TRIM11: variants seen among roughly 807,000 people sequenced by gnomAD.
TRIM11 encodes tripartite motif containing 11, also known as E3 ubiquitin-protein ligase TRIM11.
TRIM11 carries 15 observed loss-of-function variants against 33.4 expected under a neutral mutation model. That is an observed-to-expected ratio of 0.45 (90% confidence interval 0.30 to 0.69). TRIM11 has a LOEUF of 0.69. TRIM11 is among the 30% of genes least tolerant of loss of function. TRIM11 has a pLI of 0.08. For missense variants in TRIM11, 499 were observed against 667.6 expected (o/e 0.75, Z 2.78); for synonymous variants, 281 against 302.6 (o/e 0.93, Z 0.74).
chr1:228,396,009 C>T (rs2074983928), intron 5 of TRIM11: 1 of 152,766 alleles, frequency 6.5e-6, no homozygotes, highest in African/African-American at 2.4e-5. Context: ...ATACAAGACT[C>T]AGATTTGGGT....
At chr1:228,405,471 G>C (rs1656374082) in intron 1 of TRIM11, 1 of 152,306 alleles carries the variant, frequency 6.6e-6, no homozygotes, top group Non-Finnish European at 1.5e-5. Flanking sequence ...AGAGGACAGC[G>C]GGAGGGAGCG....
rs151281012 is a variant in TRIM11 at position 228,395,026 on chromosome 1, G to A, written c.1086C>T (p.Asn362=). 2.3e-5 allele frequency: 37 copies of A among 1,613,912 alleles called. No homozygotes were observed. The Middle Eastern group carries it at 6.6e-4, about 29-fold the overall frequency. The change falls in exon 6 of 6, where the codon AAC becomes AAT. Residue 362 remains asparagine, a synonymous_variant. Coordinates refer to ENST00000284551, the MANE Select transcript of TRIM11 (RefSeq NM_145214.3). This position sits in a 1 kb window ranked among gnomAD's most constrained non-coding sequence, Gnocchi z 4.8. ...GCTCGCCCTTCTCCTTCCTGTTCACGTTCTCCCTGCACACCCCCAGGGCCC... is the reference window on the plus strand; with the variant it reads ...GCTCGCCCTTCTCCTTCCTGTTCACATTCTCCCTGCACACCCCCAGGGCCC... The part of the protein sequence containing the change: ...TSWALGVCRE[N]VNRKEKGELS...
chr1:228,406,787 G>T lies in TRIM11; in HGVS notation c.-226C>A, dbSNP rs1022781337. On this transcript the variant is annotated 5_prime_UTR_variant, in exon 1 of 6. Coordinates refer to ENST00000284551, the MANE Select transcript of TRIM11 (RefSeq NM_145214.3). The surrounding 1 kb of genome is among the most constrained non-coding windows in gnomAD (Gnocchi z 8.2). ...GCGCGTAGGCTCCGAGCGCTCGGGG[G>T]ACGCGGGACGTAGGGATCCCGGATG... 10 of 376,398 alleles carry T rather than the reference G, an allele frequency of 2.7e-5. No individual in the cohort carries two copies. The highest frequency in any genetic ancestry group is 1.9e-4 in the Admixed American group (4 of 21,592). The allele number at this position is 376,398 out of a possible 1,614,324, so 23.3% of individuals were successfully genotyped here.
rs1327137772 is a variant in TRIM11, at chr1:228,406,774, C to T, written c.-213G>A. 2 of 334,090 alleles carry T rather than the reference C, an allele frequency of 6.0e-6. No homozygotes were observed. 20.7% of individuals were successfully genotyped at this position (334,090 alleles called of 1,614,324 possible). A position where few individuals can be genotyped will look rare whatever the true frequency, so the allele number is the denominator to read the frequency against. On this transcript the variant is annotated 5_prime_UTR_variant, in exon 1 of 6. Coordinates refer to ENST00000284551, the MANE Select transcript of TRIM11 (RefSeq NM_145214.3). This position sits in a 1 kb window ranked among gnomAD's most constrained non-coding sequence, Gnocchi z 8.2. ...TCGGTAGCGCTGGGCGCGTAGGCTC[C>T]GAGCGCTCGGGGGACGCGGGACGTA...
rs987807069 is a variant in TRIM11, at chr1:228,403,222, G to C, written c.409-1061C>G. 6.6e-6 allele frequency: 1 copy of C among 152,290 alleles called. No homozygotes were observed. The highest frequency in any genetic ancestry group is 1.9e-4 in the East Asian group (1 of 5,188). 9.4% of individuals were successfully genotyped at this position (152,290 alleles called of 1,614,324 possible). A position where few individuals can be genotyped will look rare whatever the true frequency, so the allele number is the denominator to read the frequency against. The stretch of plus-strand genomic sequence containing the variant: ...CCCATCTGACACCCTTATCAGCAAC[G>C]GGCCCTGTGCTGGCCACACCTCTTT... On this transcript the variant is annotated intron_variant, in intron 1 of 5. Transcript: ENST00000284551. This position sits in a 1 kb window ranked among gnomAD's most constrained non-coding sequence, Gnocchi z 4.8.
chr1:228,395,984 C>T lies in TRIM11; in HGVS notation c.860-732G>A, dbSNP rs2074983816. 6.5e-6 allele frequency: 1 copy of T among 152,692 alleles called. No homozygotes were observed. The highest frequency in any genetic ancestry group is 1.5e-5 in the Non-Finnish European group (1 of 68,452). 9.5% of individuals were successfully genotyped at this position (152,692 alleles called of 1,614,324 possible). On this transcript the variant is annotated intron_variant, in intron 5 of 5. Coordinates refer to ENST00000284551, the MANE Select transcript of TRIM11 (RefSeq NM_145214.3). The surrounding 1 kb of genome is among the most constrained non-coding windows in gnomAD (Gnocchi z 4.8). ...TAGCAAGAGCTGAGGATAGTACTTC[C>T]TTTGGGTGACTGTGATACAAGACTC...
Position 228,401,593 on chromosome 1 carries a change from A to G in TRIM11, c.505-399T>C, listed in dbSNP as rs1656228904. Among the ~76,000 whole-genome samples the G allele has an allele frequency of 6.6e-6, 1 of 151,570 alleles. No homozygotes were observed. The highest frequency in any genetic ancestry group is 1.5e-5 in the Non-Finnish European group (1 of 67,868). ...ACCACCTGGGGCCAGCTGGACTACA[A>G]ATCTACCACCCAGGGTCCCTCCTGA... On this transcript the variant is annotated intron_variant, in intron 2 of 5. Coordinates refer to ENST00000284551, the MANE Select transcript of TRIM11 (RefSeq NM_145214.3). The surrounding 1 kb of genome is among the most constrained non-coding windows in gnomAD (Gnocchi z 6.1).
Position 228,401,086 on chromosome 1 carries a change from G to T in TRIM11, c.613C>A (p.Leu205Met). 1 of 1,613,352 alleles carries T rather than the reference G, an allele frequency of 6.2e-7. No individual in the cohort carries two copies. The highest frequency in any genetic ancestry group is 8.5e-7 in the Non-Finnish European group (1 of 1,179,866). Residue 205 changes from leucine to methionine, a missense_variant, in exon 3 of 6, where the codon CTG becomes ATG. Transcript: ENST00000284551. The surrounding 1 kb of genome is among the most constrained non-coding windows in gnomAD (Gnocchi z 6.1). ...TCCCGCAGCCGGGGCAGCACCTCCA[G>T]CTCCTCCTCCTCCAGCCTCTGCAGC... Reference protein sequence around the residue: ...QLLQRLEEEELEVLPRLREGA... With the variant: ...QLLQRLEEEEMEVLPRLREGA...
At position 228,404,050 on chromosome 1, in the gene TRIM11, T is replaced by A. The variant is rs1558448927; in HGVS notation, c.409-1889A>T. On this transcript the variant is annotated intron_variant, in intron 1 of 5. Transcript: ENST00000284551. ...CAACATACCCAGCATGGCAAAGATCTTGCATTTCAGGTACCTGCATCTTTG... is the reference window on the plus strand; with the variant it reads ...CAACATACCCAGCATGGCAAAGATCATGCATTTCAGGTACCTGCATCTTTG... 3 of 152,418 alleles carry A rather than the reference T, an allele frequency of 2.0e-5. No individual in the cohort carries two copies. The East Asian group carries it at 5.8e-4, about 29-fold the overall frequency. 9.4% of individuals were successfully genotyped at this position (152,418 alleles called of 1,614,324 possible).
intron 5 of TRIM11, 162 bp downstream of exon 5, chr1:228,396,785 T>TGTCA (rs773096485): frequency 4.1e-6 from 3 of 735,132 alleles, no homozygotes; most frequent in Non-Finnish European, 7.5e-6. Flanking sequence ...ACACAACTGA[T>TGTCA]GTCAGAAGTA....
At position 228,396,974 on chromosome 1, in the gene TRIM11, G is replaced by C. The variant is rs778376828; in HGVS notation, c.832C>G (p.Leu278Val). The C allele has an allele frequency of 3.1e-6, 5 of 1,613,948 alleles. No homozygotes were observed. Among genetic ancestry groups the C allele is most frequent in the Non-Finnish European group, 4.2e-6 (5 of 1,179,996 alleles). The change falls in exon 5 of 6, where the codon CTG (leucine) becomes GTG (valine). Residue 278 changes from leucine to valine, a missense_variant. Physicochemically the swap from Leu to Val is conservative, Grantham distance 32. Transcript: ENST00000284551. ...ELRTVCRVPG[L>V]VETLRRFRGD... is the part of the protein sequence containing the mutation. ...CGAAACCTCCGCAGTGTCTCTACCA[G>C]TCCCGGGACCCTGCACACGGTCCTC...
Position 228,406,056 on chromosome 1 carries a change from A to C in TRIM11, c.408+98T>G. 8 of 1,271,256 alleles carry C rather than the reference A, an allele frequency of 6.3e-6. No individual in the cohort carries two copies. Among genetic ancestry groups the C allele is most frequent in the Non-Finnish European group, 8.0e-6 (8 of 994,416 alleles). 78.7% of individuals were successfully genotyped at this position (1,271,256 alleles called of 1,614,324 possible). On this transcript the variant is annotated intron_variant, in intron 1 of 5. Coordinates refer to ENST00000284551, the MANE Select transcript of TRIM11 (RefSeq NM_145214.3). The surrounding 1 kb of genome is among the most constrained non-coding windows in gnomAD (Gnocchi z 8.2). Reference sequence around the variant, plus strand: ...AGCTCCCCGCCCTAGACAGAGACAGATTACTCCCGGAGCAGTCCCCCAAAC... The same window carrying C: ...AGCTCCCCGCCCTAGACAGAGACAGCTTACTCCCGGAGCAGTCCCCCAAAC...
At chr1:228,396,452 C>T (rs2074987466) in intron 5 of TRIM11, 2 of 569,428 alleles carry the variant, frequency 3.5e-6, no homozygotes, top group African/African-American at 1.9e-5. Flanking sequence ...GCCCATGTGT[C>T]TCTTCCATTT....
rs1188126601 is a variant in TRIM11 at position 228,395,982 on chromosome 1, T to C, written c.860-730A>G. ...GCTAGCAAGAGCTGAGGATAGTACT[T>C]CCTTTGGGTGACTGTGATACAAGAC... On this transcript the variant is annotated intron_variant, in intron 5 of 5. Transcript: ENST00000284551. This position sits in a 1 kb window ranked among gnomAD's most constrained non-coding sequence, Gnocchi z 4.8. 1 of 152,690 alleles carries C rather than the reference T, an allele frequency of 6.5e-6. No individual in the cohort carries two copies. The highest frequency in any genetic ancestry group is 1.5e-5 in the Non-Finnish European group (1 of 68,458). The allele number at this position is 152,690 out of a possible 1,614,324, so 9.5% of individuals were successfully genotyped here. A position where few individuals can be genotyped will look rare whatever the true frequency, so the allele number is the denominator to read the frequency against.
In TRIM11 at chr1:228,406,281, G is replaced by A; in HGVS notation, c.281C>T (p.Ala94Val). 6.7e-7 allele frequency: 1 copy of A among 1,492,388 alleles called. No homozygotes were observed. Among genetic ancestry groups the A allele is most frequent in the Non-Finnish European group, 8.9e-7 (1 of 1,127,730 alleles). 92.4% of individuals were successfully genotyped at this position (1,492,388 alleles called of 1,614,324 possible). Residue 94 changes from alanine to valine, a missense_variant, in exon 1 of 6, where the codon GCG (alanine) becomes GTG (valine). Physicochemically the swap from Ala to Val is moderately conservative, Grantham distance 64 (BLOSUM62 0). Coordinates refer to ENST00000284551, the MANE Select transcript of TRIM11 (RefSeq NM_145214.3). This position sits in a 1 kb window ranked among gnomAD's most constrained non-coding sequence, Gnocchi z 8.2. The part of the protein sequence containing the change: ...PSPVPQGVCP[A>V]HREPLAAFCG... ...GAAGGCGGCCAGTGGCTCGCGGTGC[G>A]CGGGGCACACGCCCTGCGGGACCGG...
chr1:228,398,584 T>C (rs938759072), intron 3 of TRIM11, among the ~76,000 whole-genome samples: 4 of 152,254 alleles, frequency 2.6e-5, no homozygotes, highest in South Asian at 2.1e-4. Flanking sequence ...CACTGTACTC[T>C]AGCCTGGGCG....
chr1:228,401,024 T>C lies in TRIM11; in HGVS notation c.675A>G (p.Leu225=). Residue 225 remains leucine (L), a synonymous_variant, in exon 3 of 6, where the codon CTA becomes CTG. Coordinates refer to ENST00000284551, the MANE Select transcript of TRIM11 (RefSeq NM_145214.3). The surrounding 1 kb of genome is among the most constrained non-coding windows in gnomAD (Gnocchi z 6.1). ...CCTCGAGCTCGGCGATGAGCTCAGC[T>C]AGGTGGGCGCTCTGCTGGCCTAGGT... ...AAHLGQQSAH[L]AELIAELEGR... 2 of 1,610,618 alleles carry C rather than the reference T, an allele frequency of 1.2e-6. No individual in the cohort carries two copies. Among genetic ancestry groups the C allele is most frequent in the Non-Finnish European group, 1.7e-6 (2 of 1,178,582 alleles).
rs1438746398 is a variant in TRIM11, at chr1:228,406,830, C to A, written c.-269G>T. On this transcript the variant is annotated 5_prime_UTR_variant, in exon 1 of 6. Transcript: ENST00000284551. The surrounding 1 kb of genome is among the most constrained non-coding windows in gnomAD (Gnocchi z 8.2). The stretch of plus-strand genomic sequence containing the variant: ...CCCGGATGCCGGCAGGAAGAGGAGC[C>A]GAGGCGGAAGCAGGAAGCGACTGGG... 1 of 192,550 alleles carries A rather than the reference C, an allele frequency of 5.2e-6. No homozygotes were observed. The highest frequency in any genetic ancestry group is 9.2e-6 in the Non-Finnish European group (1 of 108,726). 11.9% of individuals were successfully genotyped at this position (192,550 alleles called of 1,614,324 possible).
At chr1:228,398,273 T>C (rs944699115) in intron 3 of TRIM11, among the ~76,000 whole-genome samples, 7 of 152,096 alleles carry the variant, frequency 4.6e-5, no homozygotes, top group South Asian at 2.1e-4. Context: ...GTAGGAGAAA[T>C]GGCAAAGGAA....
Sources: gnomAD v4.1 joint callset for allele counts (sites outside exome capture counted in the v4.1 genomes callset) on GRCh38, gnomAD v4.1.1 for gene constraint, Gnocchi (gnomAD v3.1) non-coding constraint, MANE v1.5 for transcripts, NCBI Gene and HGNC (gene_info 2026-07-23, HGNC 2026-07-21) for gene names.